The following LMTK2 variants were observed in gnomAD, a reference collection of about 807,000 sequenced individuals.
LMTK2 encodes the protein lemur tail kinase 2.
LMTK2 carries 37 observed loss-of-function variants against 127.5 expected under a neutral mutation model. The ratio of observed to expected loss-of-function variants is 0.29; its 90% CI spans 0.22 to 0.38. LMTK2 has a LOEUF of 0.38. Ranked by LOEUF, LMTK2 falls within the 10% of genes least tolerant of loss-of-function variation. The probability of loss-of-function intolerance (pLI) is 1.00; values close to 1 mark genes in which losing one functional copy is unlikely to be tolerated. For missense variants in LMTK2, 1,694 were observed against 1,920.3 expected (o/e 0.88, Z 2.20); for synonymous variants, 819 against 810.1 (o/e 1.01, Z -0.19).
rs1584300649 is a variant in LMTK2, at chr7:98,200,474, A to G, written c.4108-3100A>G. 3.9e-5 allele frequency among the ~76,000 whole-genome samples: 6 copies of G among 152,364 alleles called. No individual in the cohort carries two copies. In the East Asian group the frequency reaches 1.2e-3, roughly 29 times the overall value. ...CGAAAGCACAGTATTCTCGGGATGTAGAACCTGTGTATAGATACGGAGGGC... is the reference window on the plus strand; with the variant it reads ...CGAAAGCACAGTATTCTCGGGATGTGGAACCTGTGTATAGATACGGAGGGC... On this transcript the variant is annotated intron_variant, in intron 11 of 13. Coordinates refer to ENST00000297293, the MANE Select transcript of LMTK2 (RefSeq NM_014916.4).
Position 98,137,378 on chromosome 7 carries a change from T to C in LMTK2, c.167T>C (p.Ile56Thr). The change falls in exon 2 of 14, where the codon ATA becomes ACA. Residue 56 changes from isoleucine (I) to threonine (T), a missense_variant. This residue lies in a region of LMTK2 where 76 missense variants were observed against 82.0 expected (regional missense o/e 0.93). Coordinates refer to ENST00000297293, the MANE Select transcript of LMTK2 (RefSeq NM_014916.4). ...SFVILCVCSL[I>T]ILIVLIANCV... ...GTGATCCTGTGTGTGTGCAGTTTAA[T>C]AATATTAATAGTGTTAATTGCAAAC... is the stretch of plus-strand genomic sequence containing the variant. 6.2e-7 allele frequency: 1 copy of C among 1,613,808 alleles called. No individual in the cohort carries two copies. Among genetic ancestry groups the C allele is most frequent in the Non-Finnish European group, 8.5e-7 (1 of 1,179,736 alleles).
intron 6 of LMTK2, among the ~76,000 whole-genome samples, chr7:98,162,022 T>A (rs1797024560): frequency 6.6e-6 from 1 of 152,228 alleles, no homozygotes; most frequent in Admixed American, 6.5e-5. Flanking sequence ...ATTTTCCAGT[T>A]CTTCTTTGCC....
chr7:98,162,476 C>T (rs1797030264), intron 6 of LMTK2, among the ~76,000 whole-genome samples: 1 of 152,146 alleles, frequency 6.6e-6, no homozygotes, highest in African/African-American at 2.4e-5. Flanking sequence ...TTGATTGGCT[C>T]TTATACTTTG....
chr7:98,126,901 G>T (rs180869285), intron 1 of LMTK2: 4 of 152,320 alleles, frequency 2.6e-5, no homozygotes, highest in African/African-American at 9.6e-5. Flanking sequence ...TCTCTAGGCT[G>T]TTGAGATTCT....
intron 1 of LMTK2, among the ~76,000 whole-genome samples, chr7:98,107,767 C>T (rs548189794): frequency 6.6e-6 from 1 of 152,240 alleles, no homozygotes; most frequent in South Asian, 2.1e-4. Flanking sequence ...AGACGCTGTG[C>T]TTTTTATTCG....
Position 98,194,790 on chromosome 7 carries a change from T to G in LMTK2, c.4107+218T>G, listed in dbSNP as rs1476875036. On this transcript the variant is annotated intron_variant, in intron 11 of 13. Transcript: ENST00000297293. This position sits in a 1 kb window ranked among gnomAD's most constrained non-coding sequence, Gnocchi z 5.4. ...TTAAATTAAGAGAAAGAGACCCGAATGCTCTTCCTGGGTCTTCTAATGGAG... is the reference window on the plus strand; with the variant it reads ...TTAAATTAAGAGAAAGAGACCCGAAGGCTCTTCCTGGGTCTTCTAATGGAG... Among the ~76,000 whole-genome samples the G allele has an allele frequency of 3.9e-5, 6 of 152,240 alleles. No individual in the cohort carries two copies. The highest frequency in any genetic ancestry group is 1.4e-4 in the African/African-American group (6 of 41,464).
At chr7:98,157,522 A>G (rs992304019) in intron 5 of LMTK2, among the ~76,000 whole-genome samples, 10 of 151,942 alleles carry the variant, frequency 6.6e-5, no homozygotes, top group African/African-American at 2.4e-4. Flanking sequence ...AAACCCTTGC[A>G]TGATTGTTCA....
Position 98,203,600 on chromosome 7 carries a change from C to T in LMTK2, c.4134C>T (p.Pro1378=). Residue 1378 remains proline, a synonymous_variant, in exon 12 of 14, where the codon CCC becomes CCT. Coordinates refer to ENST00000297293, the MANE Select transcript of LMTK2 (RefSeq NM_014916.4). The part of the protein sequence containing the change: ...DQETPTKELG[P]CGGEACGPDL... Reference sequence around the variant, plus strand: ...AGACCCCAACCAAAGAGCTGGGGCCCTGTGGAGGAGAGGCGTGCGGCCCGG... The same window carrying T: ...AGACCCCAACCAAAGAGCTGGGGCCTTGTGGAGGAGAGGCGTGCGGCCCGG... 1 of 1,603,368 alleles carries T rather than the reference C, an allele frequency of 6.2e-7. No individual in the cohort carries two copies. The highest frequency in any genetic ancestry group is 8.5e-7 in the Non-Finnish European group (1 of 1,177,280).
At chr7:98,155,930 C>T (rs1032450430) in intron 5 of LMTK2, among the ~76,000 whole-genome samples, 2 of 151,668 alleles carry the variant, frequency 1.3e-5, no homozygotes, top group African/African-American at 2.4e-5. Flanking sequence ...AGTGAAAAGA[C>T]GAGCCACAGA....
intron 7 of LMTK2, among the ~76,000 whole-genome samples, chr7:98,175,013 C>G (rs185998862): frequency 9.2e-5 from 14 of 152,290 alleles, no homozygotes; most frequent in African/African-American, 3.4e-4. Context: ...AGGGCCACCC[C>G]ACGTGCCACG....
At chr7:98,110,005 G>A (rs2394824) in intron 1 of LMTK2, among the ~76,000 whole-genome samples, 33,074 of 152,032 alleles carry the variant, frequency 0.22, 3,766 homozygotes, top group South Asian at 0.38. Flanking sequence ...AAAGCTTCTG[G>A]TAATCTAGGA....
intron 10 of LMTK2, among the ~76,000 whole-genome samples, 181 bp from the exon 11 acceptor site, chr7:98,191,433 T>C (rs866657074): frequency 6.6e-6 from 1 of 152,038 alleles, no homozygotes. Context: ...GCGCCTGTAA[T>C]CCCAGCTGCT....
chr7:98,206,065 C>G lies in LMTK2; in HGVS notation c.*573C>G, dbSNP rs562027927. 1 of 153,850 alleles carries G rather than the reference C, an allele frequency of 6.5e-6. No individual in the cohort carries two copies. The highest frequency in any genetic ancestry group is 1.9e-4 in the East Asian group (1 of 5,226). 9.5% of individuals were successfully genotyped at this position (153,850 alleles called of 1,614,324 possible). On this transcript the variant is annotated 3_prime_UTR_variant, in exon 14 of 14. Transcript: ENST00000297293. ...AGGCAGGTCAAGCCGATGCTAGCCA[C>G]TAGTTTGATTTTTTTTCTGTTTTAT...
chr7:98,207,121 G>A lies in LMTK2; in HGVS notation c.*1629G>A, dbSNP rs1290675705. ...GGCTGGTGCAGCGCGGCTGTGCTGT[G>A]CTGGGGAGGCAGCCGTTCCTTCGGG... On this transcript the variant is annotated 3_prime_UTR_variant, in exon 14 of 14. Coordinates refer to ENST00000297293, the MANE Select transcript of LMTK2 (RefSeq NM_014916.4). 6.6e-6 allele frequency: 1 copy of A among 152,336 alleles called. No homozygotes were observed. Among genetic ancestry groups the A allele is most frequent in the Non-Finnish European group, 1.5e-5 (1 of 68,202 alleles). The allele number at this position is 152,336 out of a possible 1,614,324, so 9.4% of individuals were successfully genotyped here.
intron 7 of LMTK2, 119 bp from the exon 8 acceptor site, chr7:98,184,932 G>T (rs1166132565): frequency 1.5e-6 from 1 of 662,878 alleles, no homozygotes; most frequent in Non-Finnish European, 2.8e-6. Context: ...TAATTCTTAA[G>T]CAGAGAGCTC....
chr7:98,106,954 G>A lies in LMTK2; in HGVS notation c.-224G>A, dbSNP rs956658486. ...CTGGCGTTGCTGCTGTTGAGAGGCG[G>A]CGGCGGCGGCGCAGGCGGGCGGGAA... On this transcript the variant is annotated 5_prime_UTR_variant, in exon 1 of 14. Coordinates refer to ENST00000297293, the MANE Select transcript of LMTK2 (RefSeq NM_014916.4). 6 of 462,142 alleles carry A rather than the reference G, an allele frequency of 1.3e-5. No homozygotes were observed. Among genetic ancestry groups the A allele is most frequent in the Non-Finnish European group, 2.3e-5 (6 of 261,100 alleles). 28.6% of individuals were successfully genotyped at this position (462,142 alleles called of 1,614,324 possible).
rs756893370 is a variant in LMTK2 at position 98,193,463 on chromosome 7, C to A, written c.2998C>A (p.Leu1000Met). The A allele has an allele frequency of 3.1e-5, 50 of 1,614,076 alleles. No homozygotes were observed. The highest frequency in any genetic ancestry group is 1.6e-4 in the Middle Eastern group (1 of 6,084). Residue 1000 changes from leucine (L) to methionine (M), a missense_variant, in exon 11 of 14, where the codon CTG (leucine) becomes ATG (methionine). Leu to Met is a conservative substitution (Grantham distance 15). Around this residue, in one of 8 missense-constraint regions of LMTK2, gnomAD observed 65 missense variants for 116.5 expected, o/e 0.56. Coordinates refer to ENST00000297293, the MANE Select transcript of LMTK2 (RefSeq NM_014916.4). This position sits in a 1 kb window ranked among gnomAD's most constrained non-coding sequence, Gnocchi z 4.1. ...SEPSLETPDS[L>M]ESVDVHEALL... ...GCCGTCCCTGGAAACCCCGGACTCT[C>A]TGGAGTCAGTGGATGTCCACGAAGC...
intron 11 of LMTK2, among the ~76,000 whole-genome samples, chr7:98,195,127 C>T (rs899563203): frequency 6.6e-6 from 1 of 152,244 alleles, no homozygotes. Flanking sequence ...AAGCCATCCT[C>T]CCACCTCAGC....
chr7:98,149,860 G>A (rs1026808177), intron 3 of LMTK2, among the ~76,000 whole-genome samples: 3 of 152,170 alleles, frequency 2.0e-5, no homozygotes, highest in African/African-American at 7.2e-5. Context: ...CGTGGACTGG[G>A]AGAAAACATT....
Sources: allele counts gnomAD v4.1 joint callset (sites outside exome capture counted in the v4.1 genomes callset), GRCh38; gene constraint gnomAD v4.1.1; regional missense constraint gnomAD v4.1.1; non-coding constraint Gnocchi (gnomAD v3.1); transcripts MANE v1.5; gene names NCBI Gene and HGNC (gene_info 2026-07-23, HGNC 2026-07-21).